DEAF1: variants seen among roughly 807,000 people sequenced by gnomAD.
The protein encoded by DEAF1 is DEAF1 transcription factor, also known as deformed epidermal autoregulatory factor 1 homolog.
Under a neutral mutation model 58.9 loss-of-function variants are expected in DEAF1, and 53 were observed. The observed-to-expected ratio is 0.90, with a 90% CI of 0.72 to 1.13. The LOEUF (loss-of-function observed/expected upper bound fraction) is 1.13, where lower values mean the gene tolerates loss of function less well. DEAF1 is among the 50% of genes most tolerant of loss of function. The pLI, the probability that DEAF1 is intolerant of heterozygous loss-of-function variation, is 0.00. For synonymous variants in DEAF1, 385 were observed against 340.4 expected, an observed-to-expected ratio of 1.13 and a Z score of -1.44; for missense variants, 685 against 791.4, an observed-to-expected ratio of 0.87 and a Z score of 1.61.
intron 1 of DEAF1, chr11:693,677 G>GC (rs1326635716): frequency 1.3e-5 from 2 of 152,336 alleles, no homozygotes; most frequent in East Asian, 3.9e-4. Flanking sequence ...GGAAGTCTAT[G>GC]CCCCACGGAC....
chr11:671,872 C>T (rs1332981128), intron 10 of DEAF1, among the ~76,000 whole-genome samples: 2 of 135,544 alleles, frequency 1.5e-5, no homozygotes, highest in South Asian at 2.5e-4. Flanking sequence ...ACACTAATCA[C>T]ATATTGATCA....
At chr11:701,406 C>CTTTTTTTTTT (rs71022955) in intron 1 of DEAF1, among the ~76,000 whole-genome samples, 1 of 64,900 alleles carries the variant, frequency 1.5e-5, no homozygotes, top group Non-Finnish European at 2.7e-5. Context: ...GACAAGGTTT[C>CTTTTTTTTTT]TTTTTTTTTT....
At chr11:671,450 G>A (rs1411738038) in intron 10 of DEAF1, among the ~76,000 whole-genome samples, 1 of 151,820 alleles carries the variant, frequency 6.6e-6, no homozygotes, top group Non-Finnish European at 1.5e-5. Flanking sequence ...TCAAACTCCT[G>A]GGCTCAAAAG....
intron 11 of DEAF1, chr11:646,206 T>C (rs2133266315): frequency 7.0e-6 from 1 of 142,940 alleles, no homozygotes; most frequent in East Asian, 2.1e-4. Flanking sequence ...TAAGCCAAGA[T>C]TGTGCCACGG....
At position 688,563 on chromosome 11, in the gene DEAF1, C is replaced by A; in HGVS notation, c.388-103G>T. ...TCCAGCAGGGCTCTCTGGCTGTTCTCACCAAGAAGGGACGCTCACCTAGGC... is the reference window on the plus strand; with the variant it reads ...TCCAGCAGGGCTCTCTGGCTGTTCTAACCAAGAAGGGACGCTCACCTAGGC... On this transcript the variant is annotated intron_variant, in intron 2 of 11. Coordinates refer to ENST00000382409, the MANE Select transcript of DEAF1 (RefSeq NM_021008.4). The surrounding 1 kb of genome is among the most constrained non-coding windows in gnomAD (Gnocchi z 4.3). 2.0e-6 allele frequency: 3 copies of A among 1,464,866 alleles called. No homozygotes were observed. The South Asian group carries it at 3.4e-5, about 17-fold the overall frequency. The allele number at this position is 1,464,866 out of a possible 1,614,324, so 90.7% of individuals were successfully genotyped here.
intron 11 of DEAF1, chr11:651,491 C>G (rs11246240): frequency 0.17 from 44,712 of 264,736 alleles, 6,018 homozygotes; most frequent in African/African-American, 0.46. Flanking sequence ...GATAAAAGAG[C>G]TAATTCATCA....
upstream of DEAF1, chr11:695,607 G>T: frequency 1.6e-6 from 2 of 1,243,794 alleles, no homozygotes. Context: ...CCCCGAGGCC[G>T]AATGCTCCCG....
At chr11:680,405 T>C (rs1274009272) in intron 7 of DEAF1, among the ~76,000 whole-genome samples, 1 of 152,164 alleles carries the variant, frequency 6.6e-6, no homozygotes, top group Non-Finnish European at 1.5e-5. Context: ...AAAGACATTT[T>C]CTCCTATTGC....
intron 10 of DEAF1, among the ~76,000 whole-genome samples, chr11:663,668 C>T (rs896357703): frequency 9.3e-5 from 14 of 151,176 alleles, no homozygotes; most frequent in Non-Finnish European, 1.5e-5. Context: ...GGCCTTTCCT[C>T]CTCCAACTCC....
Position 688,425 on chromosome 11 carries a change from C to T in DEAF1, c.423G>A (p.Leu141=). The T allele has an allele frequency of 1.2e-6, 2 of 1,613,864 alleles. No individual in the cohort carries two copies. Residue 141 remains leucine, a synonymous_variant, in exon 3 of 12, where the codon CTG becomes CTA. Coordinates refer to ENST00000382409, the MANE Select transcript of DEAF1 (RefSeq NM_021008.4). The surrounding 1 kb of genome is among the most constrained non-coding windows in gnomAD (Gnocchi z 4.3). ...CAATCAGTGTCGCTTTTTCGGTGTTCAGGCTGTCCCCGATCTGAAGGGCCG... is the reference window on the plus strand; with the variant it reads ...CAATCAGTGTCGCTTTTTCGGTGTTTAGGCTGTCCCCGATCTGAAGGGCCG... ...GRTALQIGDS[L]NTEKATLIVV...
intron 1 of DEAF1, 47 bp downstream of exon 1, chr11:694,712 A>G: frequency 7.9e-7 from 1 of 1,272,520 alleles, no homozygotes; most frequent in Middle Eastern, 3.0e-4. Context: ...CGCGCGGGGT[A>G]GGCGCGCGGG....
intron 10 of DEAF1, among the ~76,000 whole-genome samples, chr11:655,913 A>G (rs1433733990): frequency 1.3e-5 from 2 of 151,558 alleles, no homozygotes; most frequent in African/African-American, 4.9e-5. Context: ...GCTCACTGCA[A>G]CCTCCACCTC....
At chr11:683,103 T>C (rs532904486) in intron 6 of DEAF1, among the ~76,000 whole-genome samples, 1 of 152,278 alleles carries the variant, frequency 6.6e-6, no homozygotes, top group Admixed American at 6.5e-5. Context: ...GGACAATTTC[T>C]GGAGACCTTA....
rs1049127436 is a variant in DEAF1, at chr11:688,807, G to A, written c.388-347C>T. Among the ~76,000 whole-genome samples the A allele has an allele frequency of 2.0e-5, 3 of 152,278 alleles. No homozygotes were observed. In the South Asian group the frequency reaches 6.2e-4, roughly 32 times the overall value. On this transcript the variant is annotated intron_variant, in intron 2 of 11. Coordinates refer to ENST00000382409, the MANE Select transcript of DEAF1 (RefSeq NM_021008.4). This position sits in a 1 kb window ranked among gnomAD's most constrained non-coding sequence, Gnocchi z 4.3. ...TCATGCAGAGTTTCCAACAGACCGA[G>A]TTGGCCGCCACAGACAAGGCCTTGT...
upstream of DEAF1, chr11:698,026 T>C (rs939591416): frequency 6.6e-6 from 1 of 152,294 alleles, no homozygotes; most frequent in Non-Finnish European, 1.5e-5. Flanking sequence ...ACAGAGGCTG[T>C]GTTCAGGTTG....
chr11:703,364 G>A (rs1861587411), intron 1 of DEAF1: 1 of 1,394,460 alleles, frequency 7.2e-7, no homozygotes, highest in Non-Finnish European at 9.3e-7. Context: ...ACAGCTGCGG[G>A]GAGGGTAGGG....
chr11:696,954 C>T (rs1861207080), upstream of DEAF1, among the ~76,000 whole-genome samples: 1 of 149,498 alleles, frequency 6.7e-6, no homozygotes, highest in Admixed American at 6.7e-5. Flanking sequence ...TGGTGCATGC[C>T]TGTAATCCCA....
chr11:679,661 C>T (rs372226301), intron 8 of DEAF1, 27 bp downstream of exon 8: 35 of 1,608,398 alleles, frequency 2.2e-5, no homozygotes, highest in Non-Finnish European at 2.7e-5. Context: ...GCTGAGGACG[C>T]GTCAGGCAGG....
intron 2 of DEAF1, chr11:689,731 G>A (rs1860749575): frequency 6.6e-6 from 1 of 152,198 alleles, no homozygotes. Context: ...TTCTTAGGAA[G>A]GGAACACACA....
Sources: allele counts gnomAD v4.1 joint callset (sites outside exome capture counted in the v4.1 genomes callset), GRCh38; gene constraint gnomAD v4.1.1; non-coding constraint Gnocchi (gnomAD v3.1); transcripts MANE v1.5; gene names NCBI Gene and HGNC (gene_info 2026-07-23, HGNC 2026-07-21).